The following CLPB variants were observed in gnomAD, a reference collection of about 807,000 sequenced individuals.
CLPB encodes ClpB family mitochondrial disaggregase.
Under a neutral mutation model 78.4 loss-of-function variants are expected in CLPB, and 40 were observed. The ratio of observed to expected loss-of-function variants is 0.51; its 90% CI spans 0.40 to 0.66. The LOEUF (loss-of-function observed/expected upper bound fraction) is 0.66, where lower values mean the gene tolerates loss of function less well. CLPB is among the 30% of genes least tolerant of loss of function. CLPB has a pLI of 0.00. For synonymous variants in CLPB, 333 were observed against 348.0 expected, an observed-to-expected ratio of 0.96 and a Z score of 0.48; for missense variants, 780 against 886.9, an observed-to-expected ratio of 0.88 and a Z score of 1.53.
chr11:72,392,626 C>G (rs1010011119), intron 3 of CLPB, among the ~76,000 whole-genome samples: 2 of 152,124 alleles, frequency 1.3e-5, no homozygotes, highest in African/African-American at 4.8e-5. Flanking sequence ...AAGTAAAGAT[C>G]AATAATCATA....
At chr11:72,387,278 G>A (rs903039107) in intron 3 of CLPB, among the ~76,000 whole-genome samples, 2 of 152,142 alleles carry the variant, frequency 1.3e-5, no homozygotes, top group Non-Finnish European at 2.9e-5. Flanking sequence ...CCATTTTGTG[G>A]CCTCATAATA....
At chr11:72,341,986 G>A (rs1950428544) in intron 5 of CLPB, among the ~76,000 whole-genome samples, 1 of 152,180 alleles carries the variant, frequency 6.6e-6, no homozygotes, top group Admixed American at 6.5e-5. Context: ...TAGAGAAGTG[G>A]GGACAGAGGA....
intron 5 of CLPB, chr11:72,351,606 T>C (rs1228134570): frequency 6.6e-6 from 1 of 152,218 alleles, no homozygotes; most frequent in Non-Finnish European, 1.5e-5. Context: ...AGTTTTGATC[T>C]TCTCGCCCAG....
intron 2 of CLPB, among the ~76,000 whole-genome samples, chr11:72,403,936 T>C (rs1424894177): frequency 6.6e-6 from 1 of 152,190 alleles, no homozygotes; most frequent in Non-Finnish European, 1.5e-5. Flanking sequence ...TTTACATTCA[T>C]GATTCCATGT....
At chr11:72,312,000 G>A (rs963263383) in intron 7 of CLPB, among the ~76,000 whole-genome samples, 3 of 152,336 alleles carry the variant, frequency 2.0e-5, no homozygotes, top group Non-Finnish European at 4.4e-5. Flanking sequence ...TTGCAGGTCT[G>A]TATTCTCTGG....
At chr11:72,433,719 C>A (rs942834065) in intron 1 of CLPB, among the ~76,000 whole-genome samples, 1 of 151,980 alleles carries the variant, frequency 6.6e-6, no homozygotes, top group Non-Finnish European at 1.5e-5. Flanking sequence ...TAAAACACCC[C>A]ATAATTTCCG....
intron 6 of CLPB, among the ~76,000 whole-genome samples, chr11:72,321,248 A>G (rs1056608996): frequency 6.6e-6 from 1 of 152,148 alleles, no homozygotes; most frequent in African/African-American, 2.4e-5. Context: ...GAAGAAGAGA[A>G]GGCAGGAATT....
intron 4 of CLPB, among the ~76,000 whole-genome samples, chr11:72,362,012 A>G (rs1264923675): frequency 2.6e-5 from 4 of 152,248 alleles, no homozygotes; most frequent in Admixed American, 1.3e-4. Flanking sequence ...CTGGTGTCAT[A>G]GCCCAACTAA....
At chr11:72,363,921 T>C (rs1658186663) in intron 4 of CLPB, among the ~76,000 whole-genome samples, 2 of 152,208 alleles carry the variant, frequency 1.3e-5, no homozygotes, top group African/African-American at 4.8e-5. Context: ...GCCTCTCAGC[T>C]TCCTCTCACT....
chr11:72,338,551 G>T (rs747384218), intron 5 of CLPB, among the ~76,000 whole-genome samples: 1 of 152,166 alleles, frequency 6.6e-6, no homozygotes, highest in Non-Finnish European at 1.5e-5. Flanking sequence ...CTCTTCTGTG[G>T]TGCCAAACTC....
chr11:72,397,525 A>T (rs1855443082), intron 3 of CLPB, among the ~76,000 whole-genome samples: 1 of 152,162 alleles, frequency 6.6e-6, no homozygotes, highest in Non-Finnish European at 1.5e-5. Context: ...TATCCTTGTC[A>T]GCCCTTAGTA....
At chr11:72,408,217 G>A in intron 2 of CLPB, 1 of 1,526,816 alleles carries the variant, frequency 6.5e-7, no homozygotes, top group Non-Finnish European at 8.8e-7. Context: ...GAGGTATAAT[G>A]GAAAAAAAGC....
chr11:72,359,150 C>T, intron 4 of CLPB, 142 bp from the exon 5 acceptor site: 1 of 1,322,284 alleles, frequency 7.6e-7, no homozygotes. Flanking sequence ...TGTTCCTGGC[C>T]ATCTGTGCTG....
chr11:72,318,841 C>T (rs1254787972), intron 6 of CLPB, among the ~76,000 whole-genome samples: 2 of 152,192 alleles, frequency 1.3e-5, no homozygotes, highest in Non-Finnish European at 2.9e-5. Context: ...CTCCCTCAGG[C>T]GCCACATACA....
rs368719791 is a variant in CLPB at position 72,392,657 on chromosome 11, T to A, written c.542+10309A>T. Among the ~76,000 whole-genome samples the A allele has an allele frequency of 8.5e-5, 13 of 152,226 alleles. 1 individual carries two copies. The highest frequency in any genetic ancestry group is 1.0e-4 in the Non-Finnish European group (7 of 68,026). ...TCATAATAAAGCAGCCGCAGTGTGT[T>A]AGACACTTTATATTCACTATTTCAG... On this transcript the variant is annotated intron_variant, in intron 3 of 15. Transcript: ENST00000538039.
At chr11:72,323,350 T>A (rs1333448508) in intron 6 of CLPB, among the ~76,000 whole-genome samples, 2 of 151,756 alleles carry the variant, frequency 1.3e-5, no homozygotes, top group African/African-American at 4.8e-5. Flanking sequence ...GGGCAGATCA[T>A]GAGGTCAAGA....
intron 2 of CLPB, among the ~76,000 whole-genome samples, chr11:72,413,386 AT>A (rs201628768): frequency 3.3e-5 from 5 of 149,688 alleles, no homozygotes; most frequent in Admixed American, 1.3e-4. Context: ...TTCCTTTTCT[AT>A]TTTTTTTTGC....
chr11:72,363,363 T>C (rs1450914742), intron 4 of CLPB: 1 of 152,172 alleles, frequency 6.6e-6, no homozygotes, highest in Non-Finnish European at 1.5e-5. Flanking sequence ...AAAAGCTTTA[T>C]TTACTGTTCA....
chr11:72,364,537 A>G (rs988606245), intron 4 of CLPB, among the ~76,000 whole-genome samples: 33 of 151,766 alleles, frequency 2.2e-4, no homozygotes, highest in African/African-American at 7.7e-4. Flanking sequence ...AAAAAAATAT[A>G]TAGAGAGAGA....
Sources: allele counts gnomAD v4.1 joint callset (sites outside exome capture counted in the v4.1 genomes callset), GRCh38; gene constraint gnomAD v4.1.1; transcripts MANE v1.5; gene names NCBI Gene and HGNC (gene_info 2026-07-23, HGNC 2026-07-21).